The following FAM120A variants were observed in gnomAD, a reference collection of about 807,000 sequenced individuals.
FAM120A encodes family with sequence similarity 120 member A.
FAM120A carries 15 observed loss-of-function variants against 109.7 expected under a neutral mutation model. That is an observed-to-expected ratio of 0.14 (90% CI 0.09 to 0.21). The LOEUF (loss-of-function observed/expected upper bound fraction) is 0.21, where lower values mean the gene tolerates loss of function less well. Ranked by LOEUF, FAM120A falls within the 10% of genes least tolerant of loss-of-function variation. The pLI is 1.00. For synonymous variants in FAM120A, 493 were observed against 572.8 expected (o/e 0.86, Z 1.99); for missense variants, 899 against 1,439.3 (o/e 0.62, Z 6.07).
At chr9:93,553,195 A>G (rs1862165155) in intron 12 of FAM120A, among the ~76,000 whole-genome samples, 1 of 152,190 alleles carries the variant, frequency 6.6e-6, no homozygotes, top group Non-Finnish European at 1.5e-5. Flanking sequence ...AATGTAATTA[A>G]GGTAAAATTA....
At chr9:93,559,519 C>T (rs1366135248) in intron 15 of FAM120A, among the ~76,000 whole-genome samples, 1 of 152,282 alleles carries the variant, frequency 6.6e-6, no homozygotes, top group Non-Finnish European at 1.5e-5. Flanking sequence ...GGAAAGGTGA[C>T]TTGCAGATTT....
intron 1 of FAM120A, among the ~76,000 whole-genome samples, chr9:93,467,874 A>AT (rs899366907): frequency 1.3e-5 from 2 of 149,586 alleles, no homozygotes; most frequent in African/African-American, 4.9e-5. Context: ...GTTTTTTTGT[A>AT]TTTTTTTTGG....
At chr9:93,487,311 G>A (rs112771886) in intron 3 of FAM120A, among the ~76,000 whole-genome samples, 2 of 151,926 alleles carry the variant, frequency 1.3e-5, no homozygotes, top group Non-Finnish European at 1.5e-5. Context: ...ACAGGTGTGC[G>A]CCACCATGCC....
intron 3 of FAM120A, among the ~76,000 whole-genome samples, chr9:93,481,017 G>C (rs1858777210): frequency 6.6e-6 from 1 of 152,228 alleles, no homozygotes; most frequent in Admixed American, 6.5e-5. Flanking sequence ...CCCAGCCTCT[G>C]TTTCCCTTCA....
chr9:93,558,788 T>G, intron 15 of FAM120A, 70 bp downstream of exon 15: 2 of 1,561,024 alleles, frequency 1.3e-6, no homozygotes, highest in Non-Finnish European at 1.7e-6. Flanking sequence ...TCTGGCGCCT[T>G]CCTTCCTCTA....
chr9:93,548,460 G>A (rs1363992862), intron 11 of FAM120A, among the ~76,000 whole-genome samples: 1 of 152,092 alleles, frequency 6.6e-6, no homozygotes, highest in Non-Finnish European at 1.5e-5. Context: ...GGGGAACAGA[G>A]TTTCAGTCTG....
At position 93,565,854 on chromosome 9, in the gene FAM120A, TTATCGTTTTCATATACTTC is replaced by T. The variant is rs1184596003; in HGVS notation, c.*1316_*1334del. ...TGTACTTTGAAATCAGAATCACTTC[TTATCGTTTTCATATACTTC>T]TGATGCTCTTCATCACATTAGTGAT... On this transcript the variant is annotated 3_prime_UTR_variant, in exon 18 of 18. Transcript: ENST00000277165. 6.6e-6 allele frequency: 1 copy of T among 152,668 alleles called. No individual in the cohort carries two copies. The highest frequency in any genetic ancestry group is 1.5e-5 in the Non-Finnish European group (1 of 68,038). The allele number at this position is 152,668 out of a possible 1,614,324, so 9.5% of individuals were successfully genotyped here.
chr9:93,485,777 C>T (rs561775737), intron 3 of FAM120A, among the ~76,000 whole-genome samples: 4 of 152,098 alleles, frequency 2.6e-5, no homozygotes, highest in Non-Finnish European at 5.9e-5. Flanking sequence ...ATGTCCGCTT[C>T]GGCAGTCACT....
chr9:93,465,046 G>A (rs1227882743), intron 1 of FAM120A, among the ~76,000 whole-genome samples: 1 of 152,188 alleles, frequency 6.6e-6, no homozygotes, highest in Non-Finnish European at 1.5e-5. Context: ...GCTTAGTATA[G>A]GAGAAGGGAA....
intron 5 of FAM120A, among the ~76,000 whole-genome samples, chr9:93,513,325 C>T (rs1215804414): frequency 1.3e-5 from 2 of 152,168 alleles, no homozygotes; most frequent in African/African-American, 2.4e-5. Flanking sequence ...TGTGTGTGCG[C>T]CATGCATGCA....
chr9:93,507,382 T>C (rs750342032), intron 5 of FAM120A, among the ~76,000 whole-genome samples: 2 of 151,994 alleles, frequency 1.3e-5, no homozygotes, highest in Non-Finnish European at 2.9e-5. Context: ...GAGATAAAGA[T>C]GGTTGGAGGA....
intron 5 of FAM120A, among the ~76,000 whole-genome samples, chr9:93,507,147 A>T (rs1860097967): frequency 6.6e-6 from 1 of 152,048 alleles, no homozygotes; most frequent in Admixed American, 6.5e-5. Context: ...TAGGGAAAGG[A>T]GTGGGAAACT....
intron 11 of FAM120A, among the ~76,000 whole-genome samples, chr9:93,543,859 T>G (rs1861793045): frequency 6.6e-6 from 1 of 152,194 alleles, no homozygotes; most frequent in Non-Finnish European, 1.5e-5. Flanking sequence ...ATTTAATCAT[T>G]TACAGTCACA....
rs1422275039 is a variant in FAM120A at position 93,524,387 on chromosome 9, C to T, written c.1419-2768C>T. The stretch of plus-strand genomic sequence containing the variant: ...CACCAATACATTTCCATCCTAGTCT[C>T]ACCAACCTGCTGAAAGATGTAAAAA... On this transcript the variant is annotated intron_variant, in intron 7 of 17. Transcript: ENST00000277165. Among the ~76,000 whole-genome samples, 3 of 152,334 alleles carry T rather than the reference C, an allele frequency of 2.0e-5. No homozygotes were observed. In the East Asian group the frequency reaches 5.8e-4, roughly 29 times the overall value.
intron 17 of FAM120A, 130 bp downstream of exon 17, chr9:93,562,434 A>C (rs1862499323): frequency 1.5e-6 from 1 of 668,198 alleles, no homozygotes; most frequent in Non-Finnish European, 2.6e-6. Flanking sequence ...TCAAGTGTCT[A>C]ACACAGTAAC....
At chr9:93,513,267 C>G (rs1029748711) in intron 5 of FAM120A, among the ~76,000 whole-genome samples, 3 of 152,152 alleles carry the variant, frequency 2.0e-5, no homozygotes, top group Non-Finnish European at 2.9e-5. Flanking sequence ...GCAGATCTAG[C>G]CAACATACTG....
intron 3 of FAM120A, among the ~76,000 whole-genome samples, chr9:93,478,922 C>CTATTTTA (rs1461350921): frequency 6.6e-6 from 1 of 152,110 alleles, no homozygotes; most frequent in African/African-American, 2.4e-5. Context: ...ATCCCACCTG[C>CTATTTTA]TATTTTAGTC....
rs143048701 is a variant in FAM120A at position 93,554,617 on chromosome 9, G to A, written c.2275-1765G>A. ...GAACCTGGGAGGCAGAGGTTGCAGTGAGCCAAGATTGCACCATTGCACTCC... is the reference window on the plus strand; with the variant it reads ...GAACCTGGGAGGCAGAGGTTGCAGTAAGCCAAGATTGCACCATTGCACTCC... On this transcript the variant is annotated intron_variant, in intron 12 of 17. Transcript: ENST00000277165. 1.5e-4 allele frequency among the ~76,000 whole-genome samples: 23 copies of A among 152,244 alleles called. 1 individual carries two copies. In the East Asian group the frequency reaches 2.9e-3, roughly 19 times the overall value.
chr9:93,554,808 G>GA (rs1175994378), intron 12 of FAM120A, among the ~76,000 whole-genome samples: 1 of 152,192 alleles, frequency 6.6e-6, no homozygotes, highest in African/African-American at 2.4e-5. Flanking sequence ...CCTAATCCTT[G>GA]ACCTGGATTC....
Sources: gnomAD v4.1 joint callset for allele counts (sites outside exome capture counted in the v4.1 genomes callset) on GRCh38, gnomAD v4.1.1 for gene constraint, MANE v1.5 for transcripts, NCBI Gene and HGNC (gene_info 2026-07-23, HGNC 2026-07-21) for gene names.